MCC: variants seen among roughly 807,000 people sequenced by gnomAD.
MCC encodes the protein colorectal mutant cancer protein.
A neutral mutation model predicts 116.2 loss-of-function variants in MCC; 90 were observed. The observed-to-expected ratio is 0.77, with a 90% CI of 0.65 to 0.92. The LOEUF is 0.92. MCC is among the 40% of genes least tolerant of loss of function. The pLI, the probability that MCC is intolerant of heterozygous loss-of-function variation, is 0.00. For missense variants in MCC, 1,516 were observed against 1,312.2 expected (o/e 1.16, Z -2.40); for synonymous variants, 578 against 510.5 (o/e 1.13, Z -1.78).
At chr5:113,161,620 ATGTGTGTGTGTGTGTGTGTGTG>A (rs57962617) in intron 3 of MCC, among the ~76,000 whole-genome samples, 5,121 of 148,402 alleles carry the variant, frequency 0.035, 105 homozygotes, top group East Asian at 0.055. Context: ...GTTTAGATTT[ATGTGTGTGTGTGTGTGTGTGTG>A]TGTGTGTGTG....
intron 16 of MCC, among the ~76,000 whole-genome samples, chr5:113,047,980 C>T (rs1391562080): frequency 6.6e-6 from 1 of 152,196 alleles, no homozygotes; most frequent in African/African-American, 2.4e-5. Context: ...CTGCTTACCA[C>T]CCTGTGACGG....
intron 12 of MCC, among the ~76,000 whole-genome samples, chr5:113,068,821 G>A (rs1753813920): frequency 6.6e-6 from 1 of 152,182 alleles, no homozygotes; most frequent in South Asian, 2.1e-4. Flanking sequence ...CCCCACTGAG[G>A]TCTCAGATGA....
intron 1 of MCC, among the ~76,000 whole-genome samples, chr5:113,453,566 C>G (rs907826110): frequency 6.6e-6 from 1 of 152,136 alleles, no homozygotes; most frequent in African/African-American, 2.4e-5. Flanking sequence ...TTTGAACCAC[C>G]ATGAAAGGTA....
intron 3 of MCC, among the ~76,000 whole-genome samples, chr5:113,245,344 T>C (rs1286105300): frequency 6.6e-6 from 1 of 151,898 alleles, no homozygotes; most frequent in Non-Finnish European, 1.5e-5. Context: ...CAACCCAACC[T>C]TGAGGGACAA....
At chr5:113,032,581 C>G (rs930741129) in intron 17 of MCC, among the ~76,000 whole-genome samples, 1 of 152,066 alleles carries the variant, frequency 6.6e-6, no homozygotes, top group Admixed American at 6.6e-5. Context: ...ATTATATCAC[C>G]AGTGGACAGT....
chr5:113,156,489 AC>A (rs1561410762), intron 3 of MCC, among the ~76,000 whole-genome samples: 1 of 152,180 alleles, frequency 6.6e-6, no homozygotes, highest in Non-Finnish European at 1.5e-5. Context: ...GACTAGGAAA[AC>A]AGTCCTGTCC....
At position 113,340,121 on chromosome 5, in the gene MCC, C is replaced by A. The variant is rs79924774; in HGVS notation, c.627+398G>T. The stretch of plus-strand genomic sequence containing the variant: ...TTAAAGTATAACCAGAAACAAGAAA[C>A]CTTCAATGCAATATTTTCCTTTTTG... On this transcript the variant is annotated intron_variant, in intron 3 of 18. Transcript: ENST00000408903. Among the ~76,000 whole-genome samples the A allele has an allele frequency of 3.7e-4, 56 of 152,302 alleles. 1 individual carries two copies. In the East Asian group the frequency reaches 8.3e-3, roughly 23 times the overall value.
intron 13 of MCC, among the ~76,000 whole-genome samples, chr5:113,066,948 T>G (rs1753649263): frequency 6.6e-6 from 1 of 152,136 alleles, no homozygotes; most frequent in Non-Finnish European, 1.5e-5. Context: ...TAAGGGGGTG[T>G]CCGGGGCTTA....
At chr5:113,091,322 G>C (rs11744817) in intron 8 of MCC, among the ~76,000 whole-genome samples, 30,392 of 152,100 alleles carry the variant, frequency 0.2, 3,238 homozygotes, top group East Asian at 0.29. Context: ...TATCAAGAGA[G>C]AACAGGAGAC....
chr5:113,311,445 C>T (rs1206646598), intron 3 of MCC, among the ~76,000 whole-genome samples: 1 of 152,162 alleles, frequency 6.6e-6, no homozygotes, highest in Non-Finnish European at 1.5e-5. Flanking sequence ...AGCAGTTGCT[C>T]TAGTCACCCA....
At chr5:113,155,327 A>G (rs2150293734) in intron 3 of MCC, among the ~76,000 whole-genome samples, 1 of 152,312 alleles carries the variant, frequency 6.6e-6, no homozygotes, top group East Asian at 1.9e-4. Context: ...GCTATTGTAA[A>G]CAGTGCTGCG....
At chr5:113,202,864 A>G (rs1167951156) in intron 3 of MCC, among the ~76,000 whole-genome samples, 1 of 151,806 alleles carries the variant, frequency 6.6e-6, no homozygotes, top group Non-Finnish European at 1.5e-5. Context: ...GTGTTAGAAG[A>G]GTGACTTGAC....
intron 3 of MCC, among the ~76,000 whole-genome samples, chr5:113,286,021 C>T (rs940882590): frequency 6.6e-6 from 1 of 152,176 alleles, no homozygotes; most frequent in Non-Finnish European, 1.5e-5. Context: ...GGGATTTGGT[C>T]CAAACAACAA....
At chr5:113,141,324 C>T (rs1488321911) in intron 5 of MCC, among the ~76,000 whole-genome samples, 1 of 152,212 alleles carries the variant, frequency 6.6e-6, no homozygotes, top group Non-Finnish European at 1.5e-5. Flanking sequence ...TGGACTGAGT[C>T]ATGCTGCCAG....
At chr5:113,433,701 G>C (rs553417842) in intron 1 of MCC, 2 of 1,584,552 alleles carry the variant, frequency 1.3e-6, no homozygotes, top group East Asian at 4.5e-5. Flanking sequence ...GCTTTAAGCC[G>C]TGAGCTCCAT....
chr5:113,039,714 C>CCA lies in MCC; in HGVS notation c.2756+3815_2756+3816insTG, dbSNP rs1554106472. Among the ~76,000 whole-genome samples, 142 of 146,004 alleles carry CCA rather than the reference C, an allele frequency of 9.7e-4. 2 individuals carry two copies. The highest frequency in any genetic ancestry group is 3.5e-3 in the African/African-American group (137 of 39,670). On this transcript the variant is annotated intron_variant, in intron 17 of 18. Coordinates refer to ENST00000408903, the MANE Select transcript of MCC (RefSeq NM_001085377.2). ...CAGCCTTGCCGTCCCACTCCGCGCC[C>CCA]CCCCCCCCAACCCACCCCAGGATCA...
chr5:113,436,839 C>G (rs1452890207), intron 1 of MCC: 2 of 152,216 alleles, frequency 1.3e-5, no homozygotes, highest in African/African-American at 2.4e-5. Flanking sequence ...GATAAACTCT[C>G]TGAGCCAATT....
chr5:113,460,568 G>A (rs972253302), intron 1 of MCC, among the ~76,000 whole-genome samples: 6 of 152,102 alleles, frequency 3.9e-5, no homozygotes, highest in Admixed American at 1.3e-4. Context: ...GAACTGTGTG[G>A]GCCTGCAGAT....
intron 1 of MCC, among the ~76,000 whole-genome samples, chr5:113,418,719 GAGT>G (rs1246621100): frequency 2.0e-5 from 3 of 151,916 alleles, no homozygotes; most frequent in Admixed American, 2.0e-4. Context: ...TCATCAAGAT[GAGT>G]ACAAGAAAGT....
Sources: gnomAD v4.1 joint callset for allele counts (sites outside exome capture counted in the v4.1 genomes callset) on GRCh38, gnomAD v4.1.1 for gene constraint, MANE v1.5 for transcripts, NCBI Gene and HGNC (gene_info 2026-07-23, HGNC 2026-07-21) for gene names.